Variants in SPMIP11 observed in about 807,000 individuals in gnomAD.
The protein encoded by SPMIP11 is long intergenic non-protein coding RNA 935.
the SPMIP11 span, among the ~76,000 whole-genome samples, chr12:48,744,289 C>T: frequency 6.6e-6 from 1 of 151,720 alleles, no homozygotes; most frequent in African/African-American, 2.4e-5. Flanking sequence ...GCCTGTAATC[C>T]CAGCTACTTG....
At chr12:48,745,200 C>A in the SPMIP11 span, among the ~76,000 whole-genome samples, 4 of 151,396 alleles carry the variant, frequency 2.6e-5, no homozygotes, top group Non-Finnish European at 5.9e-5. Context: ...ATGGCTTGAA[C>A]CCAGGAGGCC....
chr12:48,760,219 G>A, the SPMIP11 span, among the ~76,000 whole-genome samples: 1 of 152,038 alleles, frequency 6.6e-6, no homozygotes. Flanking sequence ...TGTCACCCAG[G>A]CTGGAGTGCA....
chr12:48,747,546 A>G, the SPMIP11 span, among the ~76,000 whole-genome samples: 1 of 152,182 alleles, frequency 6.6e-6, no homozygotes, highest in Non-Finnish European at 1.5e-5. Context: ...AGACCCTAAC[A>G]TAGCTATGCA....
chr12:48,736,301 A>G, the SPMIP11 span: 1 of 236,368 alleles, frequency 4.2e-6, no homozygotes, highest in Non-Finnish European at 8.5e-6. Flanking sequence ...AGTCCCAGCT[A>G]CTCTGGAGGC....
At chr12:48,736,173 G>A in the SPMIP11 span, 25 of 418,474 alleles carry the variant, frequency 6.0e-5, 1 homozygote, top group Middle Eastern at 1.0e-3. Flanking sequence ...GAAGCCCGAG[G>A]TGAGTGGATT....
At chr12:48,747,022 C>G in the SPMIP11 span, among the ~76,000 whole-genome samples, 1 of 152,204 alleles carries the variant, frequency 6.6e-6, no homozygotes, top group Non-Finnish European at 1.5e-5. Flanking sequence ...TCAGATGGTA[C>G]AGTTTTCTTA....
the SPMIP11 span, among the ~76,000 whole-genome samples, chr12:48,760,172 C>A: frequency 6.6e-6 from 1 of 151,848 alleles, no homozygotes; most frequent in African/African-American, 2.4e-5. Context: ...TGATGTTTCA[C>A]CTTTTCTTTT....
At chr12:48,768,430 G>T in the SPMIP11 span, 1 of 1,020,488 alleles carries the variant, frequency 9.8e-7, no homozygotes. Flanking sequence ...CCAGCTTGAG[G>T]GCAGACGAGC....
At chr12:48,743,230 T>TA in the SPMIP11 span, among the ~76,000 whole-genome samples, 1,747 of 121,320 alleles carry the variant, frequency 0.014, 24 homozygotes, top group African/African-American at 0.045. Context: ...CCATCTCTAC[T>TA]AAAAAAAAAA....
At chr12:48,748,281 C>T in the SPMIP11 span, among the ~76,000 whole-genome samples, 1 of 152,126 alleles carries the variant, frequency 6.6e-6, no homozygotes, top group South Asian at 2.1e-4. Flanking sequence ...ATCATCTTCT[C>T]CCTCAGGATT....
At chr12:48,734,068 C>A in the SPMIP11 span, among the ~76,000 whole-genome samples, 8 of 151,388 alleles carry the variant, frequency 5.3e-5, no homozygotes, top group Admixed American at 5.3e-4. Context: ...CATCCCCCGC[C>A]CAGCCTATGT....
chr12:48,729,571 A>C, the SPMIP11 span, among the ~76,000 whole-genome samples: 3 of 151,266 alleles, frequency 2.0e-5, no homozygotes, highest in Non-Finnish European at 4.4e-5. Context: ...TTAGCTGGGC[A>C]TGGCGGTGCA....
At chr12:48,752,975 C>T in the SPMIP11 span, among the ~76,000 whole-genome samples, 1 of 152,092 alleles carries the variant, frequency 6.6e-6, no homozygotes. Context: ...CCAGGCCATC[C>T]TATTTATTCT....
At chr12:48,729,066 G>GGGA in the SPMIP11 span, among the ~76,000 whole-genome samples, 1 of 152,198 alleles carries the variant, frequency 6.6e-6, no homozygotes, top group Non-Finnish European at 1.5e-5. Context: ...AGGAAGCTAG[G>GGGA]GGAGGCTTTA....
At chr12:48,761,719 CTT>C in the SPMIP11 span, among the ~76,000 whole-genome samples, 5 of 95,250 alleles carry the variant, frequency 5.2e-5, no homozygotes, top group Non-Finnish European at 6.2e-5. Flanking sequence ...ATATAACATT[CTT>C]TTTTTTTTTT....
the SPMIP11 span, among the ~76,000 whole-genome samples, chr12:48,741,141 G>A: frequency 2.8e-5 from 4 of 141,896 alleles, no homozygotes; most frequent in Non-Finnish European, 4.5e-5. Context: ...TCACCACAAC[G>A]TATGCAGTCC....
chr12:48,727,447 T>C, the SPMIP11 span: 2 of 702,358 alleles, frequency 2.8e-6, no homozygotes, highest in East Asian at 5.4e-5. Flanking sequence ...TGCCCCAACC[T>C]GGACGTTCCA....
chr12:48,732,770 GAA>G, the SPMIP11 span, among the ~76,000 whole-genome samples: 3 of 109,898 alleles, frequency 2.7e-5, no homozygotes, highest in African/African-American at 6.9e-5. Flanking sequence ...AACTCCATCT[GAA>G]AAAAAAAAAA....
the SPMIP11 span, among the ~76,000 whole-genome samples, chr12:48,733,071 T>TC: frequency 1.3e-5 from 1 of 76,400 alleles, no homozygotes; most frequent in African/African-American, 5.5e-5. Flanking sequence ...CACAAGTTAA[T>TC]CTTTTTTTTT....
Sources: gnomAD v4.1 joint callset for allele counts (sites outside exome capture counted in the v4.1 genomes callset) on GRCh38, gnomAD v4.1.1 for gene constraint, MANE v1.5 for transcripts, NCBI Gene and HGNC (gene_info 2026-07-23, HGNC 2026-07-21) for gene names.